Variants in KCNK5 observed in about 807,000 individuals in gnomAD.
KCNK5 encodes potassium two pore domain channel subfamily K member 5, also known as potassium channel subfamily K member 5.
Under a neutral mutation model 32.9 loss-of-function variants are expected in KCNK5, and 18 were observed. The ratio of observed to expected loss-of-function variants is 0.55; its 90% CI spans 0.38 to 0.81. KCNK5 has a LOEUF of 0.81. KCNK5 is among the 30% of genes least tolerant of loss of function. KCNK5 has a pLI of 0.00. For synonymous variants in KCNK5, 276 were observed against 275.3 expected (o/e 1.00, Z -0.03); for missense variants, 507 against 651.0 (o/e 0.78, Z 2.41).
rs1336302003 is a variant in KCNK5 at position 39,190,311 on chromosome 6, AC to A, written c.*578del. The A allele has an allele frequency of 6.7e-6, 1 of 150,354 alleles. No individual in the cohort carries two copies. Among genetic ancestry groups the A allele is most frequent in the East Asian group, 2.0e-4 (1 of 5,102 alleles). 9.3% of individuals were successfully genotyped at this position (150,354 alleles called of 1,614,324 possible). A position where few individuals can be genotyped will look rare whatever the true frequency, so the allele number is the denominator to read the frequency against. ...TTTGAGACCCTGCCCTCATCTCCTC[AC>A]TCCCACCTCCAGCAGCCTCCACCCC... is the stretch of plus-strand genomic sequence containing the variant. On this transcript the variant is annotated 3_prime_UTR_variant, in exon 5 of 5. Transcript: ENST00000359534.
intron 1 of KCNK5, among the ~76,000 whole-genome samples, chr6:39,211,731 A>C (rs1280253955): frequency 1.3e-5 from 2 of 152,210 alleles, no homozygotes; most frequent in South Asian, 2.1e-4. Flanking sequence ...TGGGAGGCCA[A>C]CGTGGGTAGA....
intron 1 of KCNK5, among the ~76,000 whole-genome samples, chr6:39,204,103 A>G (rs1001869537): frequency 1.8e-4 from 28 of 152,254 alleles, no homozygotes; most frequent in African/African-American, 6.5e-4. Flanking sequence ...CAGCAGGGCC[A>G]CACCCGTCTC....
chr6:39,202,874 T>C lies in KCNK5; in HGVS notation c.187-6887A>G, dbSNP rs187663656. Among the ~76,000 whole-genome samples, 3 of 152,292 alleles carry C rather than the reference T, an allele frequency of 2.0e-5. No individual in the cohort carries two copies. In the East Asian group the frequency reaches 5.8e-4, roughly 29 times the overall value. ...GATTTGAATCAGAGGGGTCTCTCGA[T>C]GGCTGGCAGCAAGCCTCTGGGTAAA... On this transcript the variant is annotated intron_variant, in intron 1 of 4. Transcript: ENST00000359534.
intron 1 of KCNK5, among the ~76,000 whole-genome samples, chr6:39,228,205 C>G (rs1212308742): frequency 6.6e-6 from 1 of 152,192 alleles, no homozygotes; most frequent in African/African-American, 2.4e-5. Flanking sequence ...CACTCTCCTC[C>G]CCCATCATAA....
At chr6:39,220,818 T>A (rs1004229564) in intron 1 of KCNK5, among the ~76,000 whole-genome samples, 2 of 152,194 alleles carry the variant, frequency 1.3e-5, no homozygotes, top group African/African-American at 2.4e-5. Context: ...GCCAGTCACC[T>A]GTTACATGTG....
chr6:39,191,440 C>G lies in KCNK5; in HGVS notation c.950G>C (p.Gly317Ala). The G allele has an allele frequency of 6.2e-7, 1 of 1,613,384 alleles. No individual in the cohort carries two copies. Among genetic ancestry groups the G allele is most frequent in the Non-Finnish European group, 8.5e-7 (1 of 1,179,962 alleles). The change falls in exon 5 of 5, where the codon GGG becomes GCG. Residue 317 changes from glycine (G) to alanine (A), a missense_variant. This residue lies in a region of KCNK5 where 252 missense variants were observed against 250.8 expected (regional missense o/e 1.00). Coordinates refer to ENST00000359534, the MANE Select transcript of KCNK5 (RefSeq NM_003740.4). This position sits in a 1 kb window ranked among gnomAD's most constrained non-coding sequence, Gnocchi z 5.8. ...TGGGCCCGGGCCCGTCTCCCCACCC[C>G]CGCTTGTCTTCATGGCCTTCTTCCC... ...QIGKKAMKTS[G>A]GGETGPGPGL... is the part of the protein sequence containing the mutation.
chr6:39,195,666 A>G (rs1771017875), intron 2 of KCNK5, among the ~76,000 whole-genome samples: 1 of 152,244 alleles, frequency 6.6e-6, no homozygotes, highest in South Asian at 2.1e-4. Context: ...GTTTCTGCTC[A>G]AAGAGCCCAG....
At position 39,229,374 on chromosome 6, in the gene KCNK5, C is replaced by A. The variant is rs1274498609; in HGVS notation, c.-263G>T. The A allele has an allele frequency of 3.8e-6, 2 of 526,932 alleles. No homozygotes were observed. The highest frequency in any genetic ancestry group is 6.9e-6 in the Non-Finnish European group (2 of 291,314). 32.6% of individuals were successfully genotyped at this position (526,932 alleles called of 1,614,324 possible). A position where few individuals can be genotyped will look rare whatever the true frequency, so the allele number is the denominator to read the frequency against. On this transcript the variant is annotated 5_prime_UTR_variant, in exon 1 of 5. Transcript: ENST00000359534. Reference sequence around the variant, plus strand: ...GCGGGGCTGAAAGGGCGCCCTGGACCGCGGATGCGTAAGGAGCGGGAAGAA... The same window carrying A: ...GCGGGGCTGAAAGGGCGCCCTGGACAGCGGATGCGTAAGGAGCGGGAAGAA...
At chr6:39,218,228 G>C (rs773333895) in intron 1 of KCNK5, among the ~76,000 whole-genome samples, 1 of 152,002 alleles carries the variant, frequency 6.6e-6, no homozygotes, top group African/African-American at 2.4e-5. Context: ...CCACCACCAC[G>C]TCCAGCTAAT....
At chr6:39,220,783 G>C (rs1469558845) in intron 1 of KCNK5, among the ~76,000 whole-genome samples, 2 of 152,168 alleles carry the variant, frequency 1.3e-5, no homozygotes, top group Non-Finnish European at 2.9e-5. Context: ...GAGGAACTGG[G>C]TACAGGAACA....
chr6:39,202,767 T>G (rs1271807311), intron 1 of KCNK5, among the ~76,000 whole-genome samples: 1 of 152,048 alleles, frequency 6.6e-6, no homozygotes, highest in African/African-American at 2.4e-5. Flanking sequence ...CCTCTGCAGC[T>G]CAGGTTTAGC....
In KCNK5 at chr6:39,189,490, T is replaced by C. The variant is rs1194070897; in HGVS notation, c.*1400A>G. 1 of 152,492 alleles carries C rather than the reference T, an allele frequency of 6.6e-6. No individual in the cohort carries two copies. The highest frequency in any genetic ancestry group is 2.4e-5 in the African/African-American group (1 of 41,398). 9.4% of individuals were successfully genotyped at this position (152,492 alleles called of 1,614,324 possible). A position where few individuals can be genotyped will look rare whatever the true frequency, so the allele number is the denominator to read the frequency against. On this transcript the variant is annotated 3_prime_UTR_variant, in exon 5 of 5. Transcript: ENST00000359534. Reference sequence around the variant, plus strand: ...GATCTCCCAATCCTTGGGACCCTGCTCTTTAACCACTGGCTCTGAAGCCAA... The same window carrying C: ...GATCTCCCAATCCTTGGGACCCTGCCCTTTAACCACTGGCTCTGAAGCCAA...
chr6:39,198,189 A>C (rs2561430), intron 1 of KCNK5, among the ~76,000 whole-genome samples: 139,161 of 152,252 alleles, frequency 0.91, 63,804 homozygotes, highest in East Asian at 0.99. Context: ...AACAGATGGG[A>C]TTAAAGAAAT....
At chr6:39,228,226 C>A (rs961787949) in intron 1 of KCNK5, among the ~76,000 whole-genome samples, 7 of 152,168 alleles carry the variant, frequency 4.6e-5, no homozygotes, top group African/African-American at 1.7e-4. Context: ...AGGGACTACG[C>A]GGGTATTATT....
At chr6:39,196,072 C>T in intron 1 of KCNK5, 85 bp from the exon 2 acceptor site, 1 of 835,396 alleles carries the variant, frequency 1.2e-6, no homozygotes. Flanking sequence ...TCCTTGTAAG[C>T]ATTTTCATTT....
Position 39,190,908 on chromosome 6 carries a change from G to A in KCNK5, c.1482C>T (p.Asn494=). The A allele has an allele frequency of 6.8e-7, 1 of 1,474,140 alleles. No homozygotes were observed. Among genetic ancestry groups the A allele is most frequent in the Non-Finnish European group, 9.0e-7 (1 of 1,112,230 alleles). The allele number at this position is 1,474,140 out of a possible 1,614,324, so 91.3% of individuals were successfully genotyped here. ...EQLMNEYNKA[N]SPKGT ...CCCTGCCTCATGTGCCCTTGGGGCT[G>A]TTAGCCTTGTTGTACTCATTCATCA... The change falls in exon 5 of 5, where the codon AAC becomes AAT. Residue 494 remains asparagine (N), a synonymous_variant. Transcript: ENST00000359534.
At chr6:39,224,666 C>T (rs1375536212) in intron 1 of KCNK5, among the ~76,000 whole-genome samples, 1 of 152,102 alleles carries the variant, frequency 6.6e-6, no homozygotes, top group Non-Finnish European at 1.5e-5. Flanking sequence ...AAGAGGCTTC[C>T]GGGAACAGGT....
chr6:39,207,698 C>T (rs186107296), intron 1 of KCNK5, among the ~76,000 whole-genome samples: 6 of 152,212 alleles, frequency 3.9e-5, no homozygotes, highest in Non-Finnish European at 7.4e-5. Context: ...GGCCTGATGG[C>T]CCCAGCTCTC....
At position 39,191,158 on chromosome 6, in the gene KCNK5, T is replaced by G; in HGVS notation, c.1232A>C (p.His411Pro). 1 of 1,614,132 alleles carries G rather than the reference T, an allele frequency of 6.2e-7. No individual in the cohort carries two copies. Among genetic ancestry groups the G allele is most frequent in the Non-Finnish European group, 8.5e-7 (1 of 1,180,028 alleles). Residue 411 changes from histidine to proline, a missense_variant, in exon 5 of 5, where the codon CAC (histidine) becomes CCC (proline). By Grantham distance (77) the His-to-Pro change is moderately conservative (BLOSUM62 -2). This residue lies in a region of KCNK5 where 252 missense variants were observed against 250.8 expected (regional missense o/e 1.00). Coordinates refer to ENST00000359534, the MANE Select transcript of KCNK5 (RefSeq NM_003740.4). This position sits in a 1 kb window ranked among gnomAD's most constrained non-coding sequence, Gnocchi z 5.8. ...GCTGGCGTCCTGGAAGATGAGTGGG[T>G]GGTAGTCCTGGGCGTCCCATGGCTC... Reference protein sequence around the residue: ...ECEPWDAQDYHPLIFQDASIT... With the variant: ...ECEPWDAQDYPPLIFQDASIT...
Sources: allele counts gnomAD v4.1 joint callset (sites outside exome capture counted in the v4.1 genomes callset), GRCh38; gene constraint gnomAD v4.1.1; regional missense constraint gnomAD v4.1.1; non-coding constraint Gnocchi (gnomAD v3.1); transcripts MANE v1.5; gene names NCBI Gene and HGNC (gene_info 2026-07-23, HGNC 2026-07-21).